The following PITPNC1 variants were observed in gnomAD, a reference collection of about 807,000 sequenced individuals.
PITPNC1 encodes phosphatidylinositol transfer protein cytoplasmic 1.
In PITPNC1, 18 loss-of-function variants were observed where a neutral mutation model predicts 44.7. The ratio of observed to expected loss-of-function variants is 0.40; its 90% CI spans 0.28 to 0.60. The LOEUF is 0.60. PITPNC1 is among the 20% of genes least tolerant of loss of function. The pLI, the probability that PITPNC1 is intolerant of heterozygous loss-of-function variation, is 0.39. For missense variants in PITPNC1, 290 were observed against 418.4 expected (o/e 0.69, Z 2.68); for synonymous variants, 141 against 149.6 (o/e 0.94, Z 0.42).
intron 1 of PITPNC1, among the ~76,000 whole-genome samples, chr17:67,383,389 TTGG>T (rs1236328341): frequency 6.6e-6 from 1 of 152,202 alleles, no homozygotes; most frequent in Non-Finnish European, 1.5e-5. Context: ...CTGAGATTCC[TTGG>T]TGGAAGAAAA....
chr17:67,660,569 TCTCA>T (rs1297906486), intron 6 of PITPNC1, among the ~76,000 whole-genome samples: 1 of 148,310 alleles, frequency 6.7e-6, no homozygotes, highest in Non-Finnish European at 1.5e-5. Flanking sequence ...TGAGATGGAG[TCTCA>T]CTCACTTTGT....
chr17:67,645,760 GT>G (rs2042141639), intron 6 of PITPNC1, among the ~76,000 whole-genome samples: 1 of 152,158 alleles, frequency 6.6e-6, no homozygotes, highest in South Asian at 2.1e-4. Flanking sequence ...AGTTTGTGCA[GT>G]TTTTTTCCTA....
chr17:67,652,035 A>G (rs1192673012), intron 6 of PITPNC1, among the ~76,000 whole-genome samples: 1 of 152,228 alleles, frequency 6.6e-6, no homozygotes, highest in Non-Finnish European at 1.5e-5. Context: ...TTTAGGGCTG[A>G]GGGTTATAGT....
At chr17:67,671,223 G>A (rs556958069) in intron 7 of PITPNC1, among the ~76,000 whole-genome samples, 1 of 152,250 alleles carries the variant, frequency 6.6e-6, no homozygotes, top group South Asian at 2.1e-4. Context: ...ACTTGGTGAA[G>A]AGTCATATTT....
chr17:67,693,029 C>T lies in PITPNC1; in HGVS notation c.*141C>T, dbSNP rs2042958017. On this transcript the variant is annotated 3_prime_UTR_variant, in exon 9 of 9. Transcript: ENST00000581322. The stretch of plus-strand genomic sequence containing the variant: ...TTTCAGTGTGCATGTGACTCAGTAA[C>T]TTCACATAGAATATGATTCCCTAAG... The T allele has an allele frequency of 1.6e-6, 1 of 613,980 alleles. No homozygotes were observed. Among genetic ancestry groups the T allele is most frequent in the Admixed American group, 2.9e-5 (1 of 33,936 alleles). 38.0% of individuals were successfully genotyped at this position (613,980 alleles called of 1,614,324 possible).
At chr17:67,511,716 C>T (rs2040187190) in intron 1 of PITPNC1, among the ~76,000 whole-genome samples, 1 of 152,130 alleles carries the variant, frequency 6.6e-6, no homozygotes, top group Non-Finnish European at 1.5e-5. Flanking sequence ...AGCATGTTGG[C>T]CAAGCTGGTC....
intron 6 of PITPNC1, among the ~76,000 whole-genome samples, chr17:67,664,074 T>A (rs1185124799): frequency 6.6e-6 from 1 of 152,184 alleles, no homozygotes; most frequent in African/African-American, 2.4e-5. Context: ...GCAGTTCTCC[T>A]TTCCCAGCCT....
At position 67,508,678 on chromosome 17, in the gene PITPNC1, T is replaced by C. The variant is rs1056417029; in HGVS notation, c.49-24124T>C. On this transcript the variant is annotated intron_variant, in intron 1 of 8. Transcript: ENST00000581322. The surrounding 1 kb of genome is among the most constrained non-coding windows in gnomAD (Gnocchi z 4.2). ...ATGGAGTTGCTCTGGTTCAAATGCC[T>C]CTGACAAAAAGACAAATACTTAGCT... 1.3e-5 allele frequency among the ~76,000 whole-genome samples: 2 copies of C among 152,144 alleles called. No homozygotes were observed. Among genetic ancestry groups the C allele is most frequent in the African/African-American group, 2.4e-5 (1 of 41,426 alleles).
chr17:67,678,310 C>T (rs1417724898), intron 8 of PITPNC1, among the ~76,000 whole-genome samples: 3 of 151,974 alleles, frequency 2.0e-5, no homozygotes, highest in Non-Finnish European at 2.9e-5. Flanking sequence ...AATCTGGAGA[C>T]CTTCAAAAGA....
chr17:67,457,603 T>G (rs1398473767), intron 1 of PITPNC1: 1 of 152,312 alleles, frequency 6.6e-6, no homozygotes. Flanking sequence ...TTAGCCAGGA[T>G]GGTCTTGATC....
At chr17:67,432,937 C>T (rs1027296337) in intron 1 of PITPNC1, among the ~76,000 whole-genome samples, 19 of 152,260 alleles carry the variant, frequency 1.2e-4, no homozygotes, top group Non-Finnish European at 2.8e-4. Context: ...TGCTTATATT[C>T]TGGAGGTGGG....
intron 6 of PITPNC1, among the ~76,000 whole-genome samples, chr17:67,665,013 A>G (rs1295667938): frequency 6.6e-6 from 1 of 152,140 alleles, no homozygotes; most frequent in Non-Finnish European, 1.5e-5. Flanking sequence ...GTTCATGGAA[A>G]TGTGTATTGT....
At position 67,421,488 on chromosome 17, in the gene PITPNC1, G is replaced by T. The variant is rs148316111; in HGVS notation, c.48+43286G>T. ...ACTAGAGATGGGGTTTTACCATGTT[G>T]CCCAGGCTGGTCTTGAACTCCTGAC... On this transcript the variant is annotated intron_variant, in intron 1 of 8. Transcript: ENST00000581322. Among the ~76,000 whole-genome samples the T allele has an allele frequency of 7.3e-3, 1,116 of 152,204 alleles. 16 individuals are homozygous for T. Among genetic ancestry groups the T allele is most frequent in the African/African-American group, 0.026 (1,083 of 41,528 alleles).
Position 67,676,131 on chromosome 17 carries a change from TGGGAGGCGGAGTTTGCAGTGA to T in PITPNC1, c.682+591_682+611del, listed in dbSNP as rs1326091634. ...CTGAGGCAGGAGAATGGCATGAACC[TGGGAGGCGGAGTTTGCAGTGA>T]GCCGAGATCGCACCACTGCACTCCA... On this transcript the variant is annotated intron_variant, in intron 8 of 8. Transcript: ENST00000581322. This position sits in a 1 kb window ranked among gnomAD's most constrained non-coding sequence, Gnocchi z 4.0. Among the ~76,000 whole-genome samples, 1 of 149,690 alleles carries T rather than the reference TGGGAGGCGGAGTTTGCAGTGA, an allele frequency of 6.7e-6. No homozygotes were observed. The highest frequency in any genetic ancestry group is 1.5e-5 in the Non-Finnish European group (1 of 67,634).
Position 67,419,169 on chromosome 17 carries a change from G to A in PITPNC1, c.48+40967G>A, listed in dbSNP as rs561947329. The stretch of plus-strand genomic sequence containing the variant: ...GCATGCTTGGGGGAGAAGGAGGAAG[G>A]GAGAAAAAAAAAAATGAGAAAGCAG... On this transcript the variant is annotated intron_variant, in intron 1 of 8. Transcript: ENST00000581322. Among the ~76,000 whole-genome samples, 22 of 114,320 alleles carry A rather than the reference G, an allele frequency of 1.9e-4. No individual in the cohort carries two copies. The East Asian group carries it at 4.0e-3, about 21-fold the overall frequency. The allele number at this position is 114,320 out of a possible 152,430, so 75.0% of individuals were successfully genotyped here. A position where few individuals can be genotyped will look rare whatever the true frequency, so the allele number is the denominator to read the frequency against.
chr17:67,660,546 A>G (rs1308125310), intron 6 of PITPNC1, among the ~76,000 whole-genome samples: 3 of 148,840 alleles, frequency 2.0e-5, no homozygotes, highest in Non-Finnish European at 3.0e-5. Context: ...TTATTTGTTT[A>G]TTTATTTATT....
chr17:67,556,065 T>C (rs2040834955), intron 4 of PITPNC1, among the ~76,000 whole-genome samples: 3 of 152,214 alleles, frequency 2.0e-5, no homozygotes. Context: ...CAAGCTGGCC[T>C]CAGACCTGTC....
chr17:67,688,000 C>T (rs2042847680), intron 8 of PITPNC1, among the ~76,000 whole-genome samples: 1 of 149,170 alleles, frequency 6.7e-6, no homozygotes, highest in South Asian at 2.1e-4. Context: ...TCCTCATGTC[C>T]ATTAGCCCAG....
At position 67,495,638 on chromosome 17, in the gene PITPNC1, G is replaced by T. The variant is rs184722926; in HGVS notation, c.49-37164G>T. Among the ~76,000 whole-genome samples the T allele has an allele frequency of 1.3e-4, 20 of 152,276 alleles. 1 individual carries two copies. Among genetic ancestry groups the T allele is most frequent in the Non-Finnish European group, 2.6e-4 (18 of 68,016 alleles). ...TTGTAAGTGAGAATATGCAGTATTT[G>T]GTTTTCTGTTCCTGCATTAGTTTGC... On this transcript the variant is annotated intron_variant, in intron 1 of 8. Transcript: ENST00000581322.
Sources: allele counts gnomAD v4.1 joint callset (sites outside exome capture counted in the v4.1 genomes callset), GRCh38; gene constraint gnomAD v4.1.1; non-coding constraint Gnocchi (gnomAD v3.1); transcripts MANE v1.5; gene names NCBI Gene and HGNC (gene_info 2026-07-23, HGNC 2026-07-21).